PCDHGB2: variants seen among roughly 807,000 people sequenced by gnomAD.
The protein encoded by PCDHGB2 is protocadherin gamma-B2.
A neutral mutation model predicts 59.3 loss-of-function variants in PCDHGB2; 55 were observed. That is an observed-to-expected ratio of 0.93 (90% CI 0.75 to 1.16). The LOEUF is 1.16. Ranked by LOEUF, PCDHGB2 falls within the 50% of genes most tolerant of loss-of-function variation. PCDHGB2 has a pLI of 0.00. For missense variants in PCDHGB2, 1,228 were observed against 1,198.5 expected, an observed-to-expected ratio of 1.02 and a Z score of -0.36; for synonymous variants, 516 against 512.0, an observed-to-expected ratio of 1.01 and a Z score of -0.11.
At chr5:141,409,357 T>C (rs754237134) in intron 1 of PCDHGB2, 4 of 1,613,968 alleles carry the variant, frequency 2.5e-6, no homozygotes, top group Non-Finnish European at 2.5e-6. Flanking sequence ...TCAGGTGTAA[T>C]ATAGAAACAG....
intron 1 of PCDHGB2, chr5:141,403,965 A>G: frequency 6.2e-7 from 1 of 1,613,864 alleles, no homozygotes; most frequent in Non-Finnish European, 8.5e-7. Flanking sequence ...ATTTCGGTGG[A>G]AGATGTAAAT....
chr5:141,409,233 G>A, intron 1 of PCDHGB2: 2 of 1,614,008 alleles, frequency 1.2e-6, no homozygotes, highest in Non-Finnish European at 1.7e-6. Flanking sequence ...AACGACAACA[G>A]CCCAGAAATA....
chr5:141,400,027 G>A, intron 1 of PCDHGB2: 20 of 1,612,664 alleles, frequency 1.2e-5, no homozygotes, highest in Non-Finnish European at 1.7e-5. Flanking sequence ...CAGGGACGCG[G>A]CCCGCCAGCG....
At chr5:141,366,516 G>A (rs1198130864) in intron 1 of PCDHGB2, 2 of 1,614,274 alleles carry the variant, frequency 1.2e-6, no homozygotes, top group East Asian at 2.2e-5. Flanking sequence ...CAGGCTGAAG[G>A]CAGCAGGTTG....
intron 1 of PCDHGB2, chr5:141,394,892 C>T (rs267600457): frequency 4.5e-4 from 723 of 1,613,752 alleles, no homozygotes; most frequent in Non-Finnish European, 5.8e-4. Context: ...CACTCTATCT[C>T]GTGGTGGCAG....
chr5:141,390,416 T>A, intron 1 of PCDHGB2: 2 of 1,124,674 alleles, frequency 1.8e-6, no homozygotes, highest in Non-Finnish European at 2.5e-6. Context: ...TGTAGTCAGT[T>A]AAAAAGCTGT....
intron 1 of PCDHGB2, among the ~76,000 whole-genome samples, chr5:141,435,303 A>G (rs2097757060): frequency 6.6e-6 from 1 of 152,192 alleles, no homozygotes; most frequent in Admixed American, 6.5e-5. Flanking sequence ...TCATGGTTTT[A>G]AATCATTCAT....
intron 1 of PCDHGB2, chr5:141,418,345 T>G: frequency 6.2e-7 from 1 of 1,614,000 alleles, no homozygotes; most frequent in Non-Finnish European, 8.5e-7. Context: ...ATCCTGATAT[T>G]AGTATGAATT....
intron 3 of PCDHGB2, among the ~76,000 whole-genome samples, chr5:141,505,729 G>A (rs1026403192): frequency 7.9e-5 from 12 of 152,286 alleles, no homozygotes; most frequent in African/African-American, 2.9e-4. Flanking sequence ...AGGGAATAGT[G>A]GTTACAAGTC....
Position 141,474,743 on chromosome 5 carries a change from T to A in PCDHGB2, c.2422-20064T>A, listed in dbSNP as rs113053006. Among the ~76,000 whole-genome samples the A allele has an allele frequency of 4.0e-3, 610 of 152,354 alleles. 8 individuals carry two copies. The highest frequency in any genetic ancestry group is 0.014 in the African/African-American group (593 of 41,580). On this transcript the variant is annotated intron_variant, in intron 1 of 3. Transcript: ENST00000522605. ...AGGACTCTATGCAATCAAAGTGATG[T>A]CCAAGACAAATATACAGAAATAGTA...
chr5:141,379,540 G>C (rs1322397241), intron 1 of PCDHGB2: 2 of 152,194 alleles, frequency 1.3e-5, no homozygotes, highest in Non-Finnish European at 2.9e-5. Context: ...TATAGGGAAA[G>C]CTCACTAACT....
intron 1 of PCDHGB2, among the ~76,000 whole-genome samples, chr5:141,464,794 A>C (rs2154568597): frequency 6.6e-6 from 1 of 152,128 alleles, no homozygotes; most frequent in East Asian, 1.9e-4. Flanking sequence ...GCCAAATTGC[A>C]GTGATGCAGT....
rs1333419586 is a variant in PCDHGB2 at position 141,485,206 on chromosome 5, C to T, written c.2422-9601C>T. 1 of 1,614,116 alleles carries T rather than the reference C, an allele frequency of 6.2e-7. No individual in the cohort carries two copies. The highest frequency in any genetic ancestry group is 8.5e-7 in the Non-Finnish European group (1 of 1,179,946). ...GCAAGGTGAGAAGCTGGACAGAAAT[C>T]TGGCGGTGGGCTACCCTTTTGTTCC... On this transcript the variant is annotated intron_variant, in intron 1 of 3. Coordinates refer to ENST00000522605, the MANE Select transcript of PCDHGB2 (RefSeq NM_018923.3). The surrounding 1 kb of genome is among the most constrained non-coding windows in gnomAD (Gnocchi z 5.7).
chr5:141,447,136 T>TTTTTTG (rs1304915683), intron 1 of PCDHGB2, among the ~76,000 whole-genome samples: 1 of 152,090 alleles, frequency 6.6e-6, no homozygotes, highest in Non-Finnish European at 1.5e-5. Context: ...TGTTTGTTTG[T>TTTTTTG]TTTTTGTTTT....
chr5:141,394,481 T>C lies in PCDHGB2; in HGVS notation c.2421+31925T>C, dbSNP rs766569646. The C allele has an allele frequency of 4.3e-6, 7 of 1,614,088 alleles. No individual in the cohort carries two copies. The East Asian group carries it at 6.7e-5, about 15-fold the overall frequency. ...TGAGCCTGTTCGTGCTGGACCAGAATGACAACGCGCCCGAGATCCTGTACC... is the reference window on the plus strand; with the variant it reads ...TGAGCCTGTTCGTGCTGGACCAGAACGACAACGCGCCCGAGATCCTGTACC... On this transcript the variant is annotated intron_variant, in intron 1 of 3. Transcript: ENST00000522605.
intron 1 of PCDHGB2, chr5:141,370,324 C>A: frequency 7.3e-7 from 1 of 1,378,620 alleles, no homozygotes. Flanking sequence ...TGGTCCTGCT[C>A]GGAGAACTCT....
At chr5:141,471,571 A>G (rs1417147609) in intron 1 of PCDHGB2, 1 of 152,224 alleles carries the variant, frequency 6.6e-6, no homozygotes, top group African/African-American at 2.4e-5. Context: ...GGGTAGCAGT[A>G]GATAGGGTAA....
At chr5:141,427,776 G>T (rs3828681) in intron 1 of PCDHGB2, 8 of 1,424,704 alleles carry the variant, frequency 5.6e-6, no homozygotes, top group Non-Finnish European at 9.8e-7. Context: ...GGAGCTGCGG[G>T]CACTGTCGTC....
intron 1 of PCDHGB2, chr5:141,399,203 G>A: frequency 6.2e-7 from 1 of 1,613,940 alleles, no homozygotes. Flanking sequence ...GCGGTGCCTG[G>A]AACACTAATT....
Sources: gnomAD v4.1 joint callset for allele counts (sites outside exome capture counted in the v4.1 genomes callset) on GRCh38, gnomAD v4.1.1 for gene constraint, Gnocchi (gnomAD v3.1) non-coding constraint, MANE v1.5 for transcripts, NCBI Gene and HGNC (gene_info 2026-07-23, HGNC 2026-07-21) for gene names.